The following PCNX1 variants were observed in gnomAD, a reference collection of about 807,000 sequenced individuals.
PCNX1 encodes pecanex 1.
Under a neutral mutation model 242.2 loss-of-function variants are expected in PCNX1, and 78 were observed. The observed-to-expected ratio is 0.32, with a 90% CI of 0.27 to 0.39. The LOEUF is 0.39. PCNX1 is among the 10% of genes least tolerant of loss of function. PCNX1 has a pLI of 1.00. For synonymous variants in PCNX1, 1,024 were observed against 1,032.9 expected (o/e 0.99, Z 0.17); for missense variants, 2,581 against 2,856.5 (o/e 0.90, Z 2.20).
At chr14:71,020,494 C>G (rs969154130) in intron 12 of PCNX1, among the ~76,000 whole-genome samples, 2 of 152,174 alleles carry the variant, frequency 1.3e-5, no homozygotes, top group African/African-American at 4.8e-5. Flanking sequence ...GAGATGGTAT[C>G]TCATTGTGGT....
intron 26 of PCNX1, among the ~76,000 whole-genome samples, chr14:71,059,072 T>A (rs1455253445): frequency 7.3e-6 from 1 of 137,224 alleles, no homozygotes; most frequent in African/African-American, 2.7e-5. Flanking sequence ...TTTAATTTTT[T>A]AAAATAAATG....
At chr14:71,092,132 G>T (rs2062150755) in intron 30 of PCNX1, among the ~76,000 whole-genome samples, 1 of 152,210 alleles carries the variant, frequency 6.6e-6, no homozygotes, top group African/African-American at 2.4e-5. Context: ...GTAGATTGAG[G>T]TTTGCAACTG....
rs1334301237 is a variant in PCNX1, at chr14:71,110,074, A to G, written c.*139A>G. ...GACTGAAAATAGAATGAGCTTGGTT[A>G]AGCACCTCTCCTTTGCCCTTCACCC... On this transcript the variant is annotated 3_prime_UTR_variant, in exon 36 of 36. Coordinates refer to ENST00000304743, the MANE Select transcript of PCNX1 (RefSeq NM_014982.3). The G allele has an allele frequency of 1.3e-6, 1 of 778,432 alleles. No homozygotes were observed. The highest frequency in any genetic ancestry group is 1.4e-5 in the South Asian group (1 of 70,836). 48.2% of individuals were successfully genotyped at this position (778,432 alleles called of 1,614,324 possible).
At chr14:71,098,301 C>CA (rs2062353957) in intron 30 of PCNX1, among the ~76,000 whole-genome samples, 1 of 151,986 alleles carries the variant, frequency 6.6e-6, no homozygotes, top group Admixed American at 6.5e-5. Flanking sequence ...GGAGTTTTTT[C>CA]TAATTCTGTG....
chr14:71,111,193 T>TA lies in PCNX1; in HGVS notation c.*1261dup, dbSNP rs2062748113. On this transcript the variant is annotated 3_prime_UTR_variant, in exon 36 of 36. Coordinates refer to ENST00000304743, the MANE Select transcript of PCNX1 (RefSeq NM_014982.3). ...TGTTGTCTCATAACTTTATTTTTTT[T>TA]AAATGCATATTCAGGGAAATATATT... The TA allele has an allele frequency of 6.6e-6, 1 of 152,664 alleles. No homozygotes were observed. Among genetic ancestry groups the TA allele is most frequent in the Non-Finnish European group, 1.5e-5 (1 of 68,038 alleles). 9.5% of individuals were successfully genotyped at this position (152,664 alleles called of 1,614,324 possible). A position where few individuals can be genotyped will look rare whatever the true frequency, so the allele number is the denominator to read the frequency against.
intron 26 of PCNX1, among the ~76,000 whole-genome samples, chr14:71,070,753 G>A (rs1331783417): frequency 6.6e-6 from 1 of 152,106 alleles, no homozygotes; most frequent in Non-Finnish European, 1.5e-5. Flanking sequence ...ATTCTTAAAG[G>A]TTCTAGCATT....
At chr14:70,941,953 G>A (rs2057266661) in intron 1 of PCNX1, among the ~76,000 whole-genome samples, 1 of 152,212 alleles carries the variant, frequency 6.6e-6, no homozygotes, top group Non-Finnish European at 1.5e-5. Flanking sequence ...TAATCTCCTG[G>A]TGTGTTGTTT....
At chr14:71,103,985 T>C (rs970906711) in intron 32 of PCNX1, among the ~76,000 whole-genome samples, 1 of 152,218 alleles carries the variant, frequency 6.6e-6, no homozygotes, top group African/African-American at 2.4e-5. Context: ...ATATTTGTTC[T>C]GTACAAACGG....
chr14:70,931,614 G>C (rs920533145), intron 1 of PCNX1, among the ~76,000 whole-genome samples: 11 of 152,192 alleles, frequency 7.2e-5, no homozygotes, highest in Non-Finnish European at 1.2e-4. Context: ...TCATCTGCCA[G>C]ATTTTTTTGG....
chr14:71,030,836 C>T (rs1449851378), intron 16 of PCNX1, among the ~76,000 whole-genome samples: 1 of 152,120 alleles, frequency 6.6e-6, no homozygotes, highest in Non-Finnish European at 1.5e-5. Flanking sequence ...ATATCCCTTC[C>T]CTCATCATCA....
intron 1 of PCNX1, among the ~76,000 whole-genome samples, chr14:70,941,748 G>C (rs1028060243): frequency 2.6e-5 from 4 of 152,202 alleles, no homozygotes; most frequent in African/African-American, 9.7e-5. Context: ...ACAGAGGCAG[G>C]CAGGCCTCCT....
intron 1 of PCNX1, among the ~76,000 whole-genome samples, chr14:70,932,595 TTTTATTTA>T (rs1172448220): frequency 4.0e-5 from 6 of 151,532 alleles, no homozygotes; most frequent in Non-Finnish European, 8.8e-5. Flanking sequence ...ATTTATCTAA[TTTTATTTA>T]TTTATTTATT....
intron 28 of PCNX1, among the ~76,000 whole-genome samples, chr14:71,079,173 A>T (rs1480113921): frequency 6.6e-6 from 1 of 152,224 alleles, no homozygotes. Context: ...TGCAAAGGAC[A>T]TGAACTCATC....
intron 3 of PCNX1, among the ~76,000 whole-genome samples, chr14:70,962,541 A>G (rs938920537): frequency 1.3e-5 from 2 of 152,212 alleles, no homozygotes; most frequent in African/African-American, 2.4e-5. Flanking sequence ...CCACAGACTC[A>G]TCTTTGGGTG....
At position 70,938,820 on chromosome 14, in the gene PCNX1, G is replaced by A. The variant is rs796553054; in HGVS notation, c.154-8095G>A. ...CTCAATTTCAAAGCCTGCTATTGGT[G>A]TATTCAGGGATTCAACTTCTTCCTG... On this transcript the variant is annotated intron_variant, in intron 1 of 35. Coordinates refer to ENST00000304743, the MANE Select transcript of PCNX1 (RefSeq NM_014982.3). 8.5e-5 allele frequency among the ~76,000 whole-genome samples: 13 copies of A among 152,162 alleles called. No homozygotes were observed. In the South Asian group the frequency reaches 1.2e-3, roughly 15 times the overall value.
Position 71,009,656 on chromosome 14 carries a change from T to G in PCNX1, c.2652T>G (p.Tyr884Ter). 6.2e-7 allele frequency: 1 copy of G among 1,602,764 alleles called. No individual in the cohort carries two copies. Among genetic ancestry groups the G allele is most frequent in the South Asian group, 1.1e-5 (1 of 89,966 alleles). Residue 884 changes from tyrosine to a stop codon, truncating the protein, a stop_gained, in exon 9 of 36, where the codon TAT becomes TAG. Transcript: ENST00000304743. LOFTEE classifies it high-confidence loss of function. ...DELGKFSSTL[Y>*]ETGGCDMSLV... ...TAGGTAAGTTCTCTTCTACGCTGTA[T>G]GAGACTGGTGGCTGTGATATGTCAC...
intron 1 of PCNX1, among the ~76,000 whole-genome samples, chr14:70,924,074 T>A (rs1252542456): frequency 6.6e-6 from 1 of 151,168 alleles, no homozygotes; most frequent in Non-Finnish European, 1.5e-5. Flanking sequence ...CTACAAAAAG[T>A]ACAAAAAATT....
At chr14:70,927,902 G>C (rs865830530) in intron 1 of PCNX1, among the ~76,000 whole-genome samples, 1 of 152,024 alleles carries the variant, frequency 6.6e-6, no homozygotes, top group African/African-American at 2.4e-5. Context: ...TTTCATTCTT[G>C]TGTTAGAATT....
At chr14:70,954,384 C>T (rs993702775) in intron 2 of PCNX1, among the ~76,000 whole-genome samples, 3 of 152,110 alleles carry the variant, frequency 2.0e-5, no homozygotes, top group Non-Finnish European at 2.9e-5. Context: ...CTTCGCTATT[C>T]TTGGCTCTTT....
Sources: gnomAD v4.1 joint callset for allele counts (sites outside exome capture counted in the v4.1 genomes callset) on GRCh38, gnomAD v4.1.1 for gene constraint, MANE v1.5 for transcripts, NCBI Gene and HGNC (gene_info 2026-07-23, HGNC 2026-07-21) for gene names.